POP4: variants seen among roughly 807,000 people sequenced by gnomAD.
POP4 encodes the protein ribonuclease P protein subunit p29.
In POP4, 31 loss-of-function variants were observed where a neutral mutation model predicts 29.9. The observed-to-expected ratio is 1.04, with a 90% CI of 0.78 to 1.40. The LOEUF is 1.40. Ranked by LOEUF, POP4 falls within the 40% of genes most tolerant of loss-of-function variation. The pLI is 0.00. For synonymous variants in POP4, 110 were observed against 108.2 expected (o/e 1.02, Z -0.10); for missense variants, 286 against 282.7 (o/e 1.01, Z -0.08).
intron 5 of POP4, 49 bp from the exon 6 acceptor site, chr19:29,613,822 C>T (rs1216901025): frequency 1.3e-6 from 2 of 1,572,244 alleles, no homozygotes; most frequent in Non-Finnish European, 1.7e-6. Context: ...TCTGTGGTTC[C>T]CCCAGCACCA....
intron 3 of POP4, 195 bp downstream of exon 3, chr19:29,610,827 C>CAGACAA: frequency 1.7e-6 from 1 of 599,618 alleles, no homozygotes; most frequent in Non-Finnish European, 2.9e-6. Flanking sequence ...GACTCATTGT[C>CAGACAA]TGGCCTCTCT....
chr19:29,608,953 T>G, intron 2 of POP4: 3 of 461,780 alleles, frequency 6.5e-6, no homozygotes, highest in East Asian at 3.8e-5. Flanking sequence ...CTTTTATCAT[T>G]TCCCACTGTG....
chr19:29,611,665 A>G (rs996868685), intron 3 of POP4, 197 bp from the exon 4 acceptor site: 10 of 583,680 alleles, frequency 1.7e-5, no homozygotes, highest in Admixed American at 3.1e-5. Context: ...GGTCCTACCA[A>G]TGAGGAAACT....
chr19:29,608,330 G>A (rs1436468196), intron 1 of POP4, among the ~76,000 whole-genome samples: 5 of 132,688 alleles, frequency 3.8e-5, no homozygotes, highest in Non-Finnish European at 7.6e-5. Context: ...GCAATGGCAC[G>A]ATCTTGGCGC....
Position 29,615,244 on chromosome 19 carries a change from T to C in POP4, c.527T>C (p.Val176Ala), listed in dbSNP as rs1971116395. The C allele has an allele frequency of 2.0e-6, 3 of 1,529,300 alleles. No individual in the cohort carries two copies. The highest frequency in any genetic ancestry group is 2.6e-6 in the Non-Finnish European group (3 of 1,138,718). 94.7% of individuals were successfully genotyped at this position (1,529,300 alleles called of 1,614,324 possible). A position where few individuals can be genotyped will look rare whatever the true frequency, so the allele number is the denominator to read the frequency against. Reference sequence around the variant, plus strand: ...CTGCCTTTTTTTTTTTTTTTTTCAGTTATCCCCAAGCTAAACTGCGTGTTC... The same window carrying C: ...CTGCCTTTTTTTTTTTTTTTTTCAGCTATCCCCAAGCTAAACTGCGTGTTC... ...KIITKEDRLK[V>A]IPKLNCVFTV... is the part of the protein sequence containing the mutation. Residue 176 changes from valine (V) to alanine (A), a missense_variant and splice_region_variant, in exon 7 of 7, where the codon GTT becomes GCT. Val to Ala is a moderately conservative substitution (Grantham distance 64). Coordinates refer to ENST00000585603, the MANE Select transcript of POP4 (RefSeq NM_006627.3).
chr19:29,611,095 C>T (rs1230442552), intron 3 of POP4: 1 of 161,660 alleles, frequency 6.2e-6, no homozygotes, highest in African/African-American at 2.4e-5. Flanking sequence ...CTCCAGCCGA[C>T]CCGCCATCCC....
Position 29,608,682 on chromosome 19 carries a change from G to A in POP4, c.33G>A (p.Gln11=), listed in dbSNP as rs1270317129. The change falls in exon 2 of 7, where the codon CAG becomes CAA. Residue 11 remains glutamine (Q), a synonymous_variant. Transcript: ENST00000585603. The part of the protein sequence containing the change: MKSVIYHALS[Q]KEANDSDVQP... The stretch of plus-strand genomic sequence containing the variant: ...GTGTGATCTACCATGCATTGTCTCA[G>A]AAAGAGGCGAATGACTCCGATGTCC... 2 of 1,613,918 alleles carry A rather than the reference G, an allele frequency of 1.2e-6. No homozygotes were observed. The highest frequency in any genetic ancestry group is 2.7e-5 in the African/African-American group (2 of 74,898).
intron 3 of POP4, chr19:29,611,555 C>T (rs1175168488): frequency 1.4e-5 from 4 of 285,768 alleles, no homozygotes; most frequent in East Asian, 9.4e-5. Flanking sequence ...TTCAATTTCA[C>T]GTAACAGAAA....
At chr19:29,608,864 C>A in intron 2 of POP4, 155 bp downstream of exon 2, 1 of 677,434 alleles carries the variant, frequency 1.5e-6, no homozygotes, top group Non-Finnish European at 2.5e-6. Flanking sequence ...GTCTGTAGTT[C>A]TCATTACCTG....
At position 29,610,490 on chromosome 19, in the gene POP4, G is replaced by A. The variant is rs779780512; in HGVS notation, c.142G>A (p.Glu48Lys). 5.0e-6 allele frequency: 8 copies of A among 1,611,292 alleles called. No homozygotes were observed. Among genetic ancestry groups the A allele is most frequent in the Admixed American group, 3.4e-5 (2 of 59,578 alleles). Residue 48 changes from glutamate (E) to lysine (K), a missense_variant, in exon 3 of 7, where the codon GAG becomes AAG. Physicochemically the swap from Glu to Lys is moderately conservative, Grantham distance 56 (BLOSUM62 1). Transcript: ENST00000585603. ...STPRMSPQAR[E>K]DQLQRKAVVL... ...GCCCCGCATGAGCCCGCAGGCCCGC[G>A]AGGACCAGCTGCAGCGCAAGGCGGT...
At chr19:29,612,760 A>T (rs1301848439) in intron 5 of POP4, among the ~76,000 whole-genome samples, 1 of 152,196 alleles carries the variant, frequency 6.6e-6, no homozygotes, top group Admixed American at 6.5e-5. Flanking sequence ...AAACCTAAAC[A>T]GTGTCTATGT....
chr19:29,606,298 A>G lies in POP4; in HGVS notation c.-21A>G, dbSNP rs1302529898. The G allele has an allele frequency of 6.2e-7, 1 of 1,602,096 alleles. No individual in the cohort carries two copies. The highest frequency in any genetic ancestry group is 8.5e-7 in the Non-Finnish European group (1 of 1,174,904). Reference sequence around the variant, plus strand: ...AGCAGCTGCCAGTGCGTCATCAGAGAGCGCCGGAAGCGGTCCGAGAATGAA... The same window carrying G: ...AGCAGCTGCCAGTGCGTCATCAGAGGGCGCCGGAAGCGGTCCGAGAATGAA... On this transcript the variant is annotated 5_prime_UTR_variant, in exon 1 of 7. Transcript: ENST00000585603.
intron 5 of POP4, 156 bp from the exon 6 acceptor site, chr19:29,613,715 G>T: frequency 8.9e-7 from 1 of 1,127,040 alleles, no homozygotes. Flanking sequence ...GTTACATCAG[G>T]GCCCAGCTGT....
At chr19:29,610,232 C>T in intron 2 of POP4, 177 bp from the exon 3 acceptor site, 1 of 607,046 alleles carries the variant, frequency 1.6e-6, no homozygotes, top group Non-Finnish European at 2.9e-6. Context: ...TGACTTACAT[C>T]TCGGCAGCTG....
chr19:29,606,657 A>G (rs975942342), intron 1 of POP4, among the ~76,000 whole-genome samples: 1 of 152,084 alleles, frequency 6.6e-6, no homozygotes, highest in African/African-American at 2.4e-5. Flanking sequence ...CCTTTCTGCG[A>G]GCTGGTTTCA....
At chr19:29,606,819 C>A (rs983071724) in intron 1 of POP4, among the ~76,000 whole-genome samples, 8 of 152,144 alleles carry the variant, frequency 5.3e-5, no homozygotes, top group Admixed American at 4.6e-4. Context: ...TATTTTTCAT[C>A]TCTGCCACTT....
At chr19:29,611,745 G>A in intron 3 of POP4, 117 bp from the exon 4 acceptor site, 2 of 828,872 alleles carry the variant, frequency 2.4e-6, no homozygotes, top group Middle Eastern at 2.3e-4. Context: ...TTTGCACATA[G>A]TTCCTAATGA....
At chr19:29,614,097 C>T in intron 6 of POP4, 125 bp downstream of exon 6, 1 of 1,447,450 alleles carries the variant, frequency 6.9e-7, no homozygotes, top group Non-Finnish European at 9.1e-7. Context: ...CAGATACTTG[C>T]TGAACCTGCA....
chr19:29,613,580 C>T (rs549160694), intron 5 of POP4, among the ~76,000 whole-genome samples: 2 of 152,288 alleles, frequency 1.3e-5, no homozygotes, highest in African/African-American at 4.8e-5. Context: ...TGGTGCTGGG[C>T]ACATATGTGA....
Sources: gnomAD v4.1 joint callset for allele counts (sites outside exome capture counted in the v4.1 genomes callset) on GRCh38, gnomAD v4.1.1 for gene constraint, MANE v1.5 for transcripts, NCBI Gene and HGNC (gene_info 2026-07-23, HGNC 2026-07-21) for gene names.